FILIP1: variants seen among roughly 807,000 people sequenced by gnomAD.
FILIP1 encodes the protein filamin-A-interacting protein 1.
In FILIP1, 61 loss-of-function variants were observed where a neutral mutation model predicts 102.1. That is an observed-to-expected ratio of 0.60 (90% confidence interval 0.49 to 0.74). The LOEUF is 0.74. Among genes scored for constraint, FILIP1 ranks in the 30% least tolerant of loss-of-function variants. FILIP1 has a pLI of 0.00. For missense variants in FILIP1, 1,314 were observed against 1,441.2 expected, an observed-to-expected ratio of 0.91 and a Z score of 1.43; for synonymous variants, 491 against 526.9, an observed-to-expected ratio of 0.93 and a Z score of 0.93.
At chr6:75,417,975 A>G (rs1777326634) in intron 1 of FILIP1, among the ~76,000 whole-genome samples, 1 of 152,200 alleles carries the variant, frequency 6.6e-6, no homozygotes, top group Non-Finnish European at 1.5e-5. Flanking sequence ...AGGTGGGTGG[A>G]TCACCTAAGG....
intron 2 of FILIP1, among the ~76,000 whole-genome samples, chr6:75,389,211 G>C (rs150026110): frequency 6.6e-6 from 1 of 152,318 alleles, no homozygotes; most frequent in African/African-American, 2.4e-5. Context: ...TTGCATCCCA[G>C]GGATGAAGCT....
chr6:75,367,814 A>G (rs1161556932), intron 2 of FILIP1, among the ~76,000 whole-genome samples: 1 of 152,224 alleles, frequency 6.6e-6, no homozygotes, highest in Non-Finnish European at 1.5e-5. Context: ...AAACAACTTT[A>G]CATCTCCATT....
intron 1 of FILIP1, among the ~76,000 whole-genome samples, chr6:75,453,239 TA>T (rs1020750345): frequency 4.6e-5 from 7 of 152,214 alleles, no homozygotes; most frequent in African/African-American, 1.7e-4. Context: ...CCATGAAATG[TA>T]TTTCCACCTG....
At chr6:75,396,551 T>G (rs1776466581) in intron 2 of FILIP1, among the ~76,000 whole-genome samples, 1 of 152,084 alleles carries the variant, frequency 6.6e-6, no homozygotes, top group Non-Finnish European at 1.5e-5. Context: ...GAATCCACTA[T>G]CTCGTGATGG....
intron 6 of FILIP1, chr6:75,296,475 T>TTTTTTTTATTATTATTA (rs565379089): frequency 7.1e-5 from 10 of 140,392 alleles, no homozygotes; most frequent in African/African-American, 2.6e-4. Flanking sequence ...ACTCTATATG[T>TTTTTTTTATTATTATTA]TTATTATTAT....
rs781567238 is a variant in FILIP1 at position 75,312,799 on chromosome 6, C to G, written c.3033G>C (p.Thr1011=). The change falls in exon 5 of 6, where the codon ACG becomes ACC. Residue 1011 remains threonine (T), a synonymous_variant. Coordinates refer to ENST00000237172, the MANE Select transcript of FILIP1 (RefSeq NM_015687.5). ...DRPTSPIQIM[T]VSTSAAPAEI... ...CAGCTGGTGCTGCTGATGTAGACAC[C>G]GTCATTATCTGAATAGGGGATGTGG... The G allele has an allele frequency of 1.2e-5, 20 of 1,614,014 alleles. No individual in the cohort carries two copies. The highest frequency in any genetic ancestry group is 1.5e-5 in the Non-Finnish European group (18 of 1,180,042).
chr6:75,389,548 G>C (rs1417866889), intron 2 of FILIP1, among the ~76,000 whole-genome samples: 1 of 152,094 alleles, frequency 6.6e-6, no homozygotes, highest in Non-Finnish European at 1.5e-5. Context: ...CTCAATTTCA[G>C]AACTTGCTAT....
At chr6:75,460,774 G>T (rs766249536) in intron 1 of FILIP1, among the ~76,000 whole-genome samples, 4 of 152,094 alleles carry the variant, frequency 2.6e-5, no homozygotes, top group African/African-American at 4.8e-5. Context: ...ATGGCCAAAA[G>T]ACTGTAAAAG....
At chr6:75,488,296 T>C (rs1779852734) in intron 1 of FILIP1, among the ~76,000 whole-genome samples, 1 of 152,160 alleles carries the variant, frequency 6.6e-6, no homozygotes, top group South Asian at 2.1e-4. Flanking sequence ...GCTCAATTCA[T>C]GTATGACTTT....
chr6:75,442,764 G>C (rs1291298543), intron 1 of FILIP1, among the ~76,000 whole-genome samples: 2 of 152,106 alleles, frequency 1.3e-5, no homozygotes, highest in East Asian at 1.9e-4. Context: ...GAGGGAGAGG[G>C]GGAGGGGGAG....
At chr6:75,404,635 C>T (rs1348729022) in intron 2 of FILIP1, among the ~76,000 whole-genome samples, 1 of 152,122 alleles carries the variant, frequency 6.6e-6, no homozygotes, top group Non-Finnish European at 1.5e-5. Context: ...CATAATCATC[C>T]TCAGGACCAC....
Position 75,308,804 on chromosome 6 carries a change from CT to C in FILIP1, c.3528del (p.Gly1177GlufsTer5), listed in dbSNP as rs1476055534. ...TCGAATTTGGTCAGATTTCCTGCTC[CT>C]GGGGCTGCCACTACTGGCTTTCCTG... ...MKAGKPVVAA[P>X]GAGNLTKFEP... On this transcript the variant is annotated frameshift_variant, in exon 6 of 6. Transcript: ENST00000237172. LOFTEE classifies it high-confidence loss of function. 6.2e-7 allele frequency: 1 copy of C among 1,613,984 alleles called. No homozygotes were observed. The highest frequency in any genetic ancestry group is 1.3e-5 in the African/African-American group (1 of 74,894).
rs115050901 is a variant in FILIP1, at chr6:75,428,887, G to A, written c.-6-13909C>T. On this transcript the variant is annotated intron_variant, in intron 1 of 5. Coordinates refer to ENST00000237172, the MANE Select transcript of FILIP1 (RefSeq NM_015687.5). ...AATCCATTTAGATTTTGTTGAAAAA[G>A]TCAGAATATTTGGCACCACTTGACC... is the stretch of plus-strand genomic sequence containing the variant. Among the ~76,000 whole-genome samples the A allele has an allele frequency of 3.0e-3, 455 of 150,690 alleles. 2 individuals are homozygous for A. The highest frequency in any genetic ancestry group is 0.011 in the African/African-American group (426 of 40,102).
chr6:75,319,547 G>A (rs1235993572), intron 4 of FILIP1: 1 of 551,594 alleles, frequency 1.8e-6, no homozygotes, highest in Non-Finnish European at 3.5e-6. Context: ...AGAAAACTCT[G>A]AGGCCGGGCC....
intron 1 of FILIP1, among the ~76,000 whole-genome samples, chr6:75,480,501 C>A (rs1254236551): frequency 1.3e-5 from 2 of 152,060 alleles, no homozygotes; most frequent in Admixed American, 1.3e-4. Context: ...TCAGCCTCCA[C>A]TGCTCCTGGC....
chr6:75,314,240 T>G lies in FILIP1; in HGVS notation c.1592A>C (p.Lys531Thr), dbSNP rs1773338546. Residue 531 changes from lysine (K) to threonine (T), a missense_variant, in exon 5 of 6, where the codon AAA becomes ACA. Physicochemically the swap from Lys to Thr is moderately conservative, Grantham distance 78. This residue lies in a region of FILIP1 where 816 missense variants were observed against 913.1 expected (regional missense o/e 0.89). Transcript: ENST00000237172. The part of the protein sequence containing the change: ...QEERKVDGLN[K>T]NFKVEQGKVM... ...TTTTCCTTGTTCCACCTTAAAATTT[T>G]TATTGAGTCCATCCACTTTTCTCTC... The G allele has an allele frequency of 1.9e-6, 3 of 1,563,388 alleles. No individual in the cohort carries two copies. The East Asian group carries it at 6.9e-5, about 36-fold the overall frequency.
chr6:75,403,232 G>A (rs910110601), intron 2 of FILIP1, among the ~76,000 whole-genome samples: 6 of 151,998 alleles, frequency 3.9e-5, no homozygotes, highest in African/African-American at 1.4e-4. Context: ...TATTGAATAG[G>A]GCCAAGTGTA....
intron 1 of FILIP1, among the ~76,000 whole-genome samples, chr6:75,450,162 G>A (rs1189837833): frequency 6.6e-6 from 1 of 152,032 alleles, no homozygotes; most frequent in Non-Finnish European, 1.5e-5. Flanking sequence ...GCCCGGGCGG[G>A]TGGAGGGATC....
At chr6:75,331,879 G>C (rs1774097090) in intron 4 of FILIP1, among the ~76,000 whole-genome samples, 1 of 152,134 alleles carries the variant, frequency 6.6e-6, no homozygotes, top group Non-Finnish European at 1.5e-5. Flanking sequence ...GGTATTAAGA[G>C]TTGTGGCCTT....
Sources: allele counts gnomAD v4.1 joint callset (sites outside exome capture counted in the v4.1 genomes callset), GRCh38; gene constraint gnomAD v4.1.1; regional missense constraint gnomAD v4.1.1; transcripts MANE v1.5; gene names NCBI Gene and HGNC (gene_info 2026-07-23, HGNC 2026-07-21).